FAM135A: variants seen among roughly 807,000 people sequenced by gnomAD.
The protein encoded by FAM135A is family with sequence similarity 135 member A.
FAM135A carries 79 observed loss-of-function variants against 146.8 expected under a neutral mutation model. That is an observed-to-expected ratio of 0.54 (90% CI 0.45 to 0.65). The LOEUF (loss-of-function observed/expected upper bound fraction) is 0.65, where lower values mean the gene tolerates loss of function less well. FAM135A is among the 30% of genes least tolerant of loss of function. The pLI is 0.00. For synonymous variants in FAM135A, 562 were observed against 603.6 expected (o/e 0.93, Z 1.01); for missense variants, 1,623 against 1,758.2 (o/e 0.92, Z 1.38).
At chr6:70,454,131 T>C (rs962715705) in intron 5 of FAM135A, among the ~76,000 whole-genome samples, 1 of 152,220 alleles carries the variant, frequency 6.6e-6, no homozygotes, top group African/African-American at 2.4e-5. Flanking sequence ...CATTGTGGTT[T>C]TGATTTGCAT....
At chr6:70,545,577 C>CT (rs765240350) in intron 20 of FAM135A, among the ~76,000 whole-genome samples, 118 of 152,032 alleles carry the variant, frequency 7.8e-4, no homozygotes, top group Non-Finnish European at 1.2e-3. Flanking sequence ...GATCCTGCCA[C>CT]TATACTCCAG....
rs751980002 is a variant in FAM135A, at chr6:70,491,066, C to T, written c.856C>T (p.Leu286=). The T allele has an allele frequency of 1.9e-6, 3 of 1,602,568 alleles. No homozygotes were observed. Among genetic ancestry groups the T allele is most frequent in the African/African-American group, 2.7e-5 (2 of 74,454 alleles). ...EMDVEARLTE[L]CEEVKKIENP... ...GGATGTAGAAGCTCGACTTACTGAA[C>T]TATGTGAAGAAGTTAAGGTACTTGG... Residue 286 remains leucine, a synonymous_variant, in exon 11 of 22, where the codon CTA becomes TTA. Transcript: ENST00000418814.
At chr6:70,549,141 G>T (rs1799368053) in intron 20 of FAM135A, among the ~76,000 whole-genome samples, 1 of 151,910 alleles carries the variant, frequency 6.6e-6, no homozygotes. Flanking sequence ...TTCCACTTTT[G>T]GAATTTTTCC....
chr6:70,466,474 T>G (rs753083413), intron 5 of FAM135A, among the ~76,000 whole-genome samples: 1 of 152,132 alleles, frequency 6.6e-6, no homozygotes, highest in Non-Finnish European at 1.5e-5. Context: ...AAAAGAAGTC[T>G]CCCAGAAGAA....
chr6:70,450,669 C>T (rs1258805632), intron 4 of FAM135A, among the ~76,000 whole-genome samples: 2 of 112,568 alleles, frequency 1.8e-5, no homozygotes, highest in Admixed American at 2.1e-4. Flanking sequence ...ATTACAATTG[C>T]TTGGAAATAT....
intron 5 of FAM135A, among the ~76,000 whole-genome samples, chr6:70,459,844 A>G (rs980807469): frequency 4.6e-5 from 7 of 152,292 alleles, no homozygotes; most frequent in East Asian, 3.9e-4. Context: ...CCTGACCAAC[A>G]TCGTGAAACC....
chr6:70,526,562 C>T lies in FAM135A; in HGVS notation c.3478C>T (p.Arg1160Ter), dbSNP rs770056746. ...TTGTTTGTCCTTCCCGTCTGCACCA[C>T]GAGAGTCTCCTTGTAATGTTAAATA... ...SGCLSFPSAPRESPCNVKYSS... is the reference protein window; with the variant it reads ...SGCLSFPSAP The change falls in exon 15 of 22, where the codon CGA becomes TGA. Residue 1160 changes from arginine to a stop codon, truncating the protein, a stop_gained. Transcript: ENST00000418814. LOFTEE classifies it high-confidence loss of function. The T allele has an allele frequency of 1.9e-6, 3 of 1,613,604 alleles. No individual in the cohort carries two copies. Among genetic ancestry groups the T allele is most frequent in the South Asian group, 1.1e-5 (1 of 91,052 alleles).
chr6:70,543,141 A>G (rs904532494), intron 20 of FAM135A, among the ~76,000 whole-genome samples: 1 of 152,202 alleles, frequency 6.6e-6, no homozygotes, highest in Non-Finnish European at 1.5e-5. Context: ...TATTTTCAAT[A>G]TTCAAAAACA....
Position 70,480,994 on chromosome 6 carries a change from T to C in FAM135A, c.636T>C (p.Phe212=). ...SVIPTLESVV[F]GINYTKQLSP... is the part of the protein sequence containing the mutation. ...TTCCTACTCTTGAAAGTGTGGTCTTTGGTATTAACTACACAAAACAGTTAT... is the reference window on the plus strand; with the variant it reads ...TTCCTACTCTTGAAAGTGTGGTCTTCGGTATTAACTACACAAAACAGTTAT... Residue 212 remains phenylalanine, a synonymous_variant, in exon 9 of 22, where the codon TTT becomes TTC. Coordinates refer to ENST00000418814, the MANE Select transcript of FAM135A (RefSeq NM_001162529.3). 1.9e-6 allele frequency: 3 copies of C among 1,611,820 alleles called. No individual in the cohort carries two copies. Among genetic ancestry groups the C allele is most frequent in the Non-Finnish European group, 2.5e-6 (3 of 1,178,836 alleles).
chr6:70,491,695 C>T (rs1224209856), intron 11 of FAM135A, among the ~76,000 whole-genome samples: 1 of 151,794 alleles, frequency 6.6e-6, no homozygotes, highest in African/African-American at 2.4e-5. Context: ...AAGGTATTCT[C>T]CTTAGAAAAT....
At chr6:70,456,938 C>A (rs1458347905) in intron 5 of FAM135A, among the ~76,000 whole-genome samples, 2 of 152,118 alleles carry the variant, frequency 1.3e-5, no homozygotes, top group Non-Finnish European at 2.9e-5. Context: ...GTGGTAGTGG[C>A]ATTATCTTGG....
At chr6:70,510,523 T>C (rs1034924992) in intron 12 of FAM135A, among the ~76,000 whole-genome samples, 4 of 152,096 alleles carry the variant, frequency 2.6e-5, no homozygotes, top group Non-Finnish European at 1.5e-5. Context: ...ATAAATGTAA[T>C]CATACAACAT....
intron 12 of FAM135A, among the ~76,000 whole-genome samples, chr6:70,519,718 G>T (rs561554191): frequency 1.3e-5 from 2 of 152,076 alleles, no homozygotes; most frequent in Non-Finnish European, 2.9e-5. Context: ...TTTAAAAAAG[G>T]TATAATGCTA....
rs1192559967 is a variant in FAM135A, at chr6:70,450,713, G to GTTTT, written c.78-1777_78-1776insTTTT. ...GAACTCAGGGAGTGTGACCCTTTTA[G>GTTTT]TTGTTTTTTTTTTTTTTTTTTTTTT... On this transcript the variant is annotated intron_variant, in intron 4 of 21. Transcript: ENST00000418814. 8.5e-3 allele frequency among the ~76,000 whole-genome samples: 255 copies of GTTTT among 29,830 alleles called. 2 individuals are homozygous for GTTTT. The highest frequency in any genetic ancestry group is 0.018 in the African/African-American group (240 of 13,638). 19.6% of individuals were successfully genotyped at this position (29,830 alleles called of 152,430 possible). A position where few individuals can be genotyped will look rare whatever the true frequency, so the allele number is the denominator to read the frequency against.
At position 70,421,118 on chromosome 6, in the gene FAM135A, A is replaced by G. The variant is rs532805454; in HGVS notation, c.-133-5321A>G. On this transcript the variant is annotated intron_variant, in intron 2 of 21. Coordinates refer to ENST00000418814, the MANE Select transcript of FAM135A (RefSeq NM_001162529.3). ...GCTGGTCTCGAACTCCTGAGAGCTC[A>G]AGCAGTCTGCTTGTCTCAGCCTCCC... Among the ~76,000 whole-genome samples, 19 of 152,204 alleles carry G rather than the reference A, an allele frequency of 1.2e-4. No individual in the cohort carries two copies. The South Asian group carries it at 3.5e-3, about 28-fold the overall frequency.
intron 20 of FAM135A, among the ~76,000 whole-genome samples, chr6:70,555,016 AAAT>A (rs1453486948): frequency 6.6e-6 from 1 of 152,202 alleles, no homozygotes; most frequent in Admixed American, 6.5e-5. Flanking sequence ...GTGTGCCATA[AAAT>A]CCAATTGGCA....
intron 4 of FAM135A, among the ~76,000 whole-genome samples, chr6:70,434,452 T>C (rs1582070994): frequency 6.6e-6 from 1 of 152,240 alleles, no homozygotes; most frequent in East Asian, 1.9e-4. Flanking sequence ...GATGAAGCAC[T>C]GTTGCCAGAA....
intron 2 of FAM135A, among the ~76,000 whole-genome samples, chr6:70,419,947 A>G (rs1241523873): frequency 1.3e-5 from 2 of 152,208 alleles, no homozygotes; most frequent in African/African-American, 4.8e-5. Flanking sequence ...CGTTGCTAAC[A>G]TGAGGCCTAA....
At chr6:70,428,089 C>A (rs1211164955) in intron 3 of FAM135A, among the ~76,000 whole-genome samples, 4 of 152,152 alleles carry the variant, frequency 2.6e-5, no homozygotes, top group Non-Finnish European at 5.9e-5. Flanking sequence ...AAAAAGCTTT[C>A]TGACAGGACA....
Sources: allele counts gnomAD v4.1 joint callset (sites outside exome capture counted in the v4.1 genomes callset), GRCh38; gene constraint gnomAD v4.1.1; transcripts MANE v1.5; gene names NCBI Gene and HGNC (gene_info 2026-07-23, HGNC 2026-07-21).